The following NR3C2 variants were observed in gnomAD, a reference collection of about 807,000 sequenced individuals.
NR3C2 encodes the protein mineralocorticoid receptor.
Under a neutral mutation model 86.4 loss-of-function variants are expected in NR3C2, and 15 were observed. The observed-to-expected ratio is 0.17, with a 90% CI of 0.12 to 0.27. NR3C2 has a LOEUF of 0.27. Ranked by LOEUF, NR3C2 falls within the 10% of genes least tolerant of loss-of-function variation. The probability of loss-of-function intolerance (pLI) is 1.00; values close to 1 mark genes in which losing one functional copy is unlikely to be tolerated. For missense variants in NR3C2, 960 were observed against 1,195.6 expected (o/e 0.80, Z 2.91); for synonymous variants, 458 against 450.5 (o/e 1.02, Z -0.21).
intron 6 of NR3C2, among the ~76,000 whole-genome samples, chr4:148,149,133 A>G (rs749171601): frequency 6.6e-6 from 1 of 152,226 alleles, no homozygotes; most frequent in Non-Finnish European, 1.5e-5. Flanking sequence ...GCTTTGCTCT[A>G]TTCTTTCTAG....
In NR3C2 at chr4:148,173,371, G is replaced by T. The variant is rs551945213; in HGVS notation, c.2015-18470C>A. On this transcript the variant is annotated intron_variant, in intron 4 of 8. Coordinates refer to ENST00000358102, the MANE Select transcript of NR3C2 (RefSeq NM_000901.5). ...TGGGTGTGTGCCATGTAATCATAAG[G>T]CTCCTTATTGGGGAAAGATGGAGGC... 1.7e-4 allele frequency among the ~76,000 whole-genome samples: 26 copies of T among 152,290 alleles called. No individual in the cohort carries two copies. In the South Asian group the frequency reaches 3.9e-3, roughly 23 times the overall value.
intron 3 of NR3C2, among the ~76,000 whole-genome samples, chr4:148,223,398 G>A (rs934433668): frequency 6.6e-6 from 1 of 152,100 alleles, no homozygotes; most frequent in Non-Finnish European, 1.5e-5. Flanking sequence ...TCTCCAACTA[G>A]ACCATAAACT....
At chr4:148,185,096 C>A (rs886716426) in intron 4 of NR3C2, among the ~76,000 whole-genome samples, 1 of 152,246 alleles carries the variant, frequency 6.6e-6, no homozygotes, top group Non-Finnish European at 1.5e-5. Context: ...CCAACTAACA[C>A]ACACTCAGTA....
Position 148,152,546 on chromosome 4 carries a change from T to C in NR3C2, c.2433A>G (p.Ser811=). 1.2e-6 allele frequency: 2 copies of C among 1,614,102 alleles called. No homozygotes were observed. The highest frequency in any genetic ancestry group is 1.7e-6 in the Non-Finnish European group (2 of 1,179,978). ...TGTACGATCTCCAGCTCAAGGCAAA[T>C]GATGATAGACACATCCAAGAATACT... ...LIQYSWMCLS[S]FALSWRSYKH... The change falls in exon 6 of 9, where the codon TCA becomes TCG. Residue 811 remains serine (S), a synonymous_variant. Transcript: ENST00000358102.
intron 2 of NR3C2, among the ~76,000 whole-genome samples, chr4:148,353,346 T>C (rs1745391487): frequency 6.6e-6 from 1 of 152,116 alleles, no homozygotes; most frequent in Non-Finnish European, 1.5e-5. Flanking sequence ...TCCAAGAGTC[T>C]ATGGTAAATT....
At chr4:148,232,381 T>G in intron 3 of NR3C2, among the ~76,000 whole-genome samples, 1 of 152,238 alleles carries the variant, frequency 6.6e-6, no homozygotes, top group East Asian at 1.9e-4. Flanking sequence ...TTAGAGTTCT[T>G]TGGTGACTAG....
rs1465097008 is a variant in NR3C2, at chr4:148,420,213, A to G, written c.1757+14891T>C. ...CCCAGAGTGACGCTGGCCAGAAAATATAACTGAATAAAAAAAGTAAAGCCC... is the reference window on the plus strand; with the variant it reads ...CCCAGAGTGACGCTGGCCAGAAAATGTAACTGAATAAAAAAAGTAAAGCCC... On this transcript the variant is annotated intron_variant, in intron 2 of 8. Coordinates refer to ENST00000358102, the MANE Select transcript of NR3C2 (RefSeq NM_000901.5). Among the ~76,000 whole-genome samples the G allele has an allele frequency of 3.9e-5, 6 of 152,320 alleles. No individual in the cohort carries two copies. The South Asian group carries it at 8.3e-4, about 21-fold the overall frequency.
Position 148,135,290 on chromosome 4 carries a change from A to G in NR3C2, c.2511-15002T>C, listed in dbSNP as rs1043455545. ...CACCTCCTGTAGGAGGAGATCAAGT[A>G]GTAAGAGCAGAGCCCTCATGGATGG... On this transcript the variant is annotated intron_variant, in intron 6 of 8. Transcript: ENST00000358102. Among the ~76,000 whole-genome samples, 6 of 152,178 alleles carry G rather than the reference A, an allele frequency of 3.9e-5. No individual in the cohort carries two copies. The East Asian group carries it at 1.2e-3, about 29-fold the overall frequency.
intron 2 of NR3C2, among the ~76,000 whole-genome samples, chr4:148,426,215 T>G (rs993200535): frequency 1.3e-5 from 2 of 152,192 alleles, no homozygotes; most frequent in Non-Finnish European, 2.9e-5. Flanking sequence ...CCCCAGGTTC[T>G]CCTCTTCAAT....
At chr4:148,370,969 C>A (rs1247818228) in intron 2 of NR3C2, among the ~76,000 whole-genome samples, 2 of 152,116 alleles carry the variant, frequency 1.3e-5, no homozygotes, top group African/African-American at 4.8e-5. Flanking sequence ...TAGACTCAAA[C>A]AATCCTCCTG....
At chr4:148,418,463 G>T (rs1024326795) in intron 2 of NR3C2, among the ~76,000 whole-genome samples, 3 of 152,124 alleles carry the variant, frequency 2.0e-5, no homozygotes, top group African/African-American at 7.2e-5. Flanking sequence ...TATTTTTGAA[G>T]TTCAGAGAAT....
chr4:148,120,114 G>A (rs1240920742), intron 7 of NR3C2, 44 bp downstream of exon 7: 1 of 1,612,334 alleles, frequency 6.2e-7, no homozygotes, highest in Non-Finnish European at 8.5e-7. Flanking sequence ...TGGGGAAGAT[G>A]ATCTGGTAAT....
intron 3 of NR3C2, among the ~76,000 whole-genome samples, chr4:148,202,500 C>G (rs1736777180): frequency 1.3e-5 from 2 of 152,352 alleles, no homozygotes; most frequent in South Asian, 4.1e-4. Flanking sequence ...TGTACCTAAT[C>G]TGGGGGCTCA....
intron 6 of NR3C2, among the ~76,000 whole-genome samples, chr4:148,126,122 C>T (rs1244506978): frequency 6.6e-6 from 1 of 152,232 alleles, no homozygotes; most frequent in Non-Finnish European, 1.5e-5. Flanking sequence ...CCTAGAGGGG[C>T]ACAGCCCATC....
chr4:148,227,891 G>GT (rs1051468271), intron 3 of NR3C2, among the ~76,000 whole-genome samples: 1 of 152,084 alleles, frequency 6.6e-6, no homozygotes, highest in African/African-American at 2.4e-5. Flanking sequence ...AAGATCATTT[G>GT]TATTTTCTCT....
intron 2 of NR3C2, among the ~76,000 whole-genome samples, chr4:148,274,799 G>A (rs962657610): frequency 2.0e-5 from 3 of 149,704 alleles, no homozygotes; most frequent in African/African-American, 4.9e-5. Flanking sequence ...CTGGGTTCAC[G>A]TGATTCTCCC....
chr4:148,088,724 G>C (rs1730930091), intron 8 of NR3C2, among the ~76,000 whole-genome samples: 1 of 151,674 alleles, frequency 6.6e-6, no homozygotes, highest in Non-Finnish European at 1.5e-5. Flanking sequence ...GAGGGTGGGG[G>C]GCTAGGGGAG....
intron 2 of NR3C2, among the ~76,000 whole-genome samples, chr4:148,361,699 C>T (rs1745845861): frequency 6.6e-6 from 1 of 152,164 alleles, no homozygotes; most frequent in African/African-American, 2.4e-5. Context: ...AGTTTCACAG[C>T]CTTCAGGGTC....
At chr4:148,190,397 T>C (rs1200356998) in intron 4 of NR3C2, among the ~76,000 whole-genome samples, 1 of 152,176 alleles carries the variant, frequency 6.6e-6, no homozygotes, top group Non-Finnish European at 1.5e-5. Context: ...TCTGAGAGAG[T>C]GCTTGATATA....
Sources: gnomAD v4.1 joint callset for allele counts (sites outside exome capture counted in the v4.1 genomes callset) on GRCh38, gnomAD v4.1.1 for gene constraint, MANE v1.5 for transcripts, NCBI Gene and HGNC (gene_info 2026-07-23, HGNC 2026-07-21) for gene names.